Variants in HCN1 observed in about 807,000 individuals in gnomAD.
HCN1 encodes the protein hyperpolarization activated cyclic nucleotide gated potassium channel 1.
Under a neutral mutation model 78.9 loss-of-function variants are expected in HCN1, and 13 were observed. The ratio of observed to expected loss-of-function variants is 0.16; its 90% CI spans 0.11 to 0.26. HCN1 has a LOEUF of 0.26. HCN1 is among the 10% of genes least tolerant of loss of function. The pLI, the probability that HCN1 is intolerant of heterozygous loss-of-function variation, is 1.00. For missense variants in HCN1, 810 were observed against 1,154.3 expected (o/e 0.70, Z 4.32); for synonymous variants, 552 against 455.5 (o/e 1.21, Z -2.70).
intron 2 of HCN1, chr5:45,575,498 C>G (rs1743921303): frequency 6.6e-6 from 1 of 151,968 alleles, no homozygotes; most frequent in Non-Finnish European, 1.5e-5. Context: ...ATGGGTGCAG[C>G]ACACCAACAT....
intron 4 of HCN1, among the ~76,000 whole-genome samples, chr5:45,375,841 A>T (rs1196636817): frequency 8.3e-6 from 1 of 120,970 alleles, no homozygotes; most frequent in Admixed American, 9.8e-5. Context: ...TATCTTATAT[A>T]TAATATAATA....
At chr5:45,326,671 T>G (rs1501361) in intron 5 of HCN1, among the ~76,000 whole-genome samples, 49,106 of 151,468 alleles carry the variant, frequency 0.32, 10,294 homozygotes, top group African/African-American at 0.58. Context: ...TGGCTTAAAT[T>G]ATATCTTGTA....
intron 2 of HCN1, among the ~76,000 whole-genome samples, chr5:45,619,261 C>A (rs888341403): frequency 6.6e-6 from 1 of 151,978 alleles, no homozygotes; most frequent in African/African-American, 2.4e-5. Flanking sequence ...CACTTCTATA[C>A]CCTGGTAGCA....
chr5:45,493,663 A>G (rs558930421), intron 2 of HCN1, among the ~76,000 whole-genome samples: 2 of 151,544 alleles, frequency 1.3e-5, no homozygotes, highest in East Asian at 3.9e-4. Flanking sequence ...GGTTAGTTAC[A>G]TATGTATACA....
intron 2 of HCN1, among the ~76,000 whole-genome samples, chr5:45,594,236 C>T (rs1744441267): frequency 6.6e-6 from 1 of 152,124 alleles, no homozygotes; most frequent in African/African-American, 2.4e-5. Flanking sequence ...TTTTCAGATG[C>T]CAATATTACA....
At chr5:45,266,337 T>C (rs772252642) in intron 7 of HCN1, among the ~76,000 whole-genome samples, 3 of 152,324 alleles carry the variant, frequency 2.0e-5, no homozygotes, top group Non-Finnish European at 4.4e-5. Context: ...CATTTTATTA[T>C]GTCTCTGCTG....
At chr5:45,333,778 C>G (rs1415290874) in intron 5 of HCN1, among the ~76,000 whole-genome samples, 1 of 151,714 alleles carries the variant, frequency 6.6e-6, no homozygotes, top group Non-Finnish European at 1.5e-5. Context: ...ACATCTCTGT[C>G]AAACATGAAC....
chr5:45,575,599 C>T (rs1376888836), intron 2 of HCN1: 1 of 152,184 alleles, frequency 6.6e-6, no homozygotes, highest in South Asian at 2.1e-4. Context: ...TAAGCTCAAT[C>T]TACTCTGCCT....
chr5:45,344,059 AG>A lies in HCN1; in HGVS notation c.1377+9040del, dbSNP rs1433540603. On this transcript the variant is annotated intron_variant, in intron 5 of 7. Coordinates refer to ENST00000303230, the MANE Select transcript of HCN1 (RefSeq NM_021072.4). ...TATTTGACTCACAGTTCAGCATGGT[AG>A]GGGAGGCCTCAGGAAACTTACACTT... 2.0e-5 allele frequency among the ~76,000 whole-genome samples: 3 copies of A among 152,088 alleles called. No homozygotes were observed. In the East Asian group the frequency reaches 5.8e-4, roughly 29 times the overall value.
At chr5:45,482,513 C>A (rs144448784) in intron 2 of HCN1, among the ~76,000 whole-genome samples, 8 of 152,128 alleles carry the variant, frequency 5.3e-5, no homozygotes, top group African/African-American at 1.9e-4. Flanking sequence ...ATCTGGGGGA[C>A]TATCAATAAA....
intron 1 of HCN1, among the ~76,000 whole-genome samples, chr5:45,669,532 G>A (rs1313165873): frequency 1.3e-5 from 2 of 151,754 alleles, no homozygotes. Flanking sequence ...GTATAGATTT[G>A]AGAACTGAAC....
chr5:45,600,521 C>A (rs1291786872), intron 2 of HCN1, among the ~76,000 whole-genome samples: 6 of 152,006 alleles, frequency 3.9e-5, no homozygotes, highest in South Asian at 2.1e-4. Context: ...ATTATACTAC[C>A]AGTATACTAG....
chr5:45,359,941 GTA>G lies in HCN1; in HGVS notation c.1231-6697_1231-6696del, dbSNP rs145289641. ...CTATATTCTTGACTTTTGACTTTGA[GTA>G]TATATATATATATATATTTTTTTTA... On this transcript the variant is annotated intron_variant, in intron 4 of 7. Transcript: ENST00000303230. Among the ~76,000 whole-genome samples the G allele has an allele frequency of 9.5e-4, 140 of 146,956 alleles. 1 individual carries two copies. The East Asian group carries it at 0.012, about 12-fold the overall frequency.
In HCN1 at chr5:45,524,633, T is replaced by C. The variant is rs532247798; in HGVS notation, c.850-62626A>G. Among the ~76,000 whole-genome samples, 180 of 152,204 alleles carry C rather than the reference T, an allele frequency of 1.2e-3. 1 individual carries two copies. Among genetic ancestry groups the C allele is most frequent in the Middle Eastern group, 3.4e-3 (1 of 294 alleles). On this transcript the variant is annotated intron_variant, in intron 2 of 7. Coordinates refer to ENST00000303230, the MANE Select transcript of HCN1 (RefSeq NM_021072.4). Reference sequence around the variant, plus strand: ...TCTTTGAAGCAATTGTGAATGGGCGTTCACTCATGATTTGGCTCTCTGTTT... The same window carrying C: ...TCTTTGAAGCAATTGTGAATGGGCGCTCACTCATGATTTGGCTCTCTGTTT...
At chr5:45,553,303 C>A (rs898888214) in intron 2 of HCN1, among the ~76,000 whole-genome samples, 1 of 151,840 alleles carries the variant, frequency 6.6e-6, no homozygotes, top group Non-Finnish European at 1.5e-5. Flanking sequence ...AGATTGGCTA[C>A]ATCCTCTCTT....
intron 1 of HCN1, among the ~76,000 whole-genome samples, chr5:45,669,611 G>A (rs1232364957): frequency 6.6e-6 from 1 of 151,770 alleles, no homozygotes; most frequent in Non-Finnish European, 1.5e-5. Flanking sequence ...CAAAATGGTG[G>A]TCATGAGCCA....
At chr5:45,624,443 A>T (rs1329764376) in intron 2 of HCN1, among the ~76,000 whole-genome samples, 1 of 152,200 alleles carries the variant, frequency 6.6e-6, no homozygotes, top group African/African-American at 2.4e-5. Flanking sequence ...AATAGAATGG[A>T]CTACAATTGA....
chr5:45,399,808 T>C (rs1739757191), intron 3 of HCN1, among the ~76,000 whole-genome samples: 1 of 152,174 alleles, frequency 6.6e-6, no homozygotes, highest in Non-Finnish European at 1.5e-5. Context: ...GTCCTGCTCA[T>C]ATTAAATTAT....
intron 4 of HCN1, among the ~76,000 whole-genome samples, chr5:45,354,312 T>A (rs540047694): frequency 6.7e-4 from 102 of 151,836 alleles, no homozygotes; most frequent in African/African-American, 2.2e-4. Context: ...GAAAAAAAAA[T>A]AATTAGGTCT....
Sources: allele counts gnomAD v4.1 joint callset (sites outside exome capture counted in the v4.1 genomes callset), GRCh38; gene constraint gnomAD v4.1.1; transcripts MANE v1.5; gene names NCBI Gene and HGNC (gene_info 2026-07-23, HGNC 2026-07-21).